USH2A: variants seen among roughly 807,000 people sequenced by gnomAD.
USH2A encodes the protein Usher syndrome 2A (autosomal recessive, mild).
In USH2A, 443 loss-of-function variants were observed where a neutral mutation model predicts 538.9. The observed-to-expected ratio is 0.82, with a 90% CI of 0.76 to 0.89. The LOEUF (loss-of-function observed/expected upper bound fraction) is 0.89. USH2A is among the 40% of genes least tolerant of loss of function. USH2A has a pLI of 0.00. For missense variants in USH2A, 6,633 were observed against 6,324.8 expected (o/e 1.05, Z -1.65); for synonymous variants, 2,413 against 2,273.5 (o/e 1.06, Z -1.75).
chr1:216,325,510 G>A lies in USH2A; in HGVS notation c.938C>T (p.Pro313Leu). The change falls in exon 6 of 72, where the codon CCT (proline) becomes CTT (leucine). Residue 313 changes from proline to leucine, a missense_variant. By Grantham distance (98) the Pro-to-Leu change is moderately conservative (BLOSUM62 -3). Transcript: ENST00000307340. ...AGGAATGCAGTACCGCTGTGCCAAA[G>A]GGTGGACCCGCGGGTGGCTGCCAGG... is the stretch of plus-strand genomic sequence containing the variant. The part of the protein sequence containing the change: ...RCPGSHPRVH[P>L]LAQRYCIPND... The A allele has an allele frequency of 6.2e-7, 1 of 1,613,800 alleles. No homozygotes were observed. The highest frequency in any genetic ancestry group is 1.1e-5 in the South Asian group (1 of 91,076).
intron 21 of USH2A, among the ~76,000 whole-genome samples, chr1:216,098,146 C>A (rs1419022134): frequency 6.6e-6 from 1 of 152,174 alleles, no homozygotes; most frequent in East Asian, 1.9e-4. Context: ...CCTACCATTA[C>A]ATGGCCCCAT....
chr1:215,992,104 A>G (rs2102475843), intron 35 of USH2A, among the ~76,000 whole-genome samples: 1 of 152,306 alleles, frequency 6.6e-6, no homozygotes, highest in South Asian at 2.1e-4. Context: ...AATAATTAAT[A>G]TCATAGTAAA....
chr1:216,406,239 A>T (rs559179130), intron 3 of USH2A, among the ~76,000 whole-genome samples: 1 of 152,344 alleles, frequency 6.6e-6, no homozygotes, highest in South Asian at 2.1e-4. Flanking sequence ...TCCTGGTCGT[A>T]ATATTGTACC....
intron 9 of USH2A, among the ~76,000 whole-genome samples, chr1:216,304,909 T>C (rs1191128007): frequency 1.3e-5 from 2 of 152,140 alleles, no homozygotes; most frequent in South Asian, 4.1e-4. Context: ...TTTTCTTAAA[T>C]GTATTGAGAC....
chr1:215,882,369 T>C (rs61828253), intron 41 of USH2A, among the ~76,000 whole-genome samples: 3,387 of 152,320 alleles, frequency 0.022, 43 homozygotes, highest in Middle Eastern at 0.068. Context: ...CCTCTTATGA[T>C]GGACTCCCCT....
chr1:216,177,046 G>A (rs564863750), intron 20 of USH2A, among the ~76,000 whole-genome samples: 2 of 152,212 alleles, frequency 1.3e-5, no homozygotes, highest in South Asian at 4.1e-4. Context: ...ATATATCAGG[G>A]TTTTGTGTTT....
At chr1:216,148,066 C>T (rs1253456481) in intron 21 of USH2A, among the ~76,000 whole-genome samples, 3 of 151,512 alleles carry the variant, frequency 2.0e-5, no homozygotes, top group Non-Finnish European at 2.9e-5. Flanking sequence ...TCACGGACGC[C>T]GAGCTTCGGG....
intron 22 of USH2A, among the ~76,000 whole-genome samples, chr1:216,094,433 A>G (rs1445829459): frequency 6.6e-6 from 1 of 152,086 alleles, no homozygotes; most frequent in African/African-American, 2.4e-5. Flanking sequence ...CTCTCCTTCA[A>G]ATCTTACTAA....
At chr1:216,237,473 C>T (rs985032125) in intron 13 of USH2A, among the ~76,000 whole-genome samples, 6 of 138,656 alleles carry the variant, frequency 4.3e-5, no homozygotes, top group African/African-American at 1.1e-4. Flanking sequence ...CCAGCCTGGG[C>T]GACAGAGCAA....
At chr1:216,192,765 T>C (rs1284303428) in intron 19 of USH2A, among the ~76,000 whole-genome samples, 2 of 152,018 alleles carry the variant, frequency 1.3e-5, no homozygotes, top group Non-Finnish European at 2.9e-5. Flanking sequence ...AGTTCAGCCA[T>C]AAGGAACAGC....
intron 4 of USH2A, among the ~76,000 whole-genome samples, chr1:216,349,908 G>A (rs1204401524): frequency 2.0e-5 from 3 of 152,054 alleles, no homozygotes; most frequent in Non-Finnish European, 2.9e-5. Context: ...TTCTTGCTTT[G>A]CTATAAAGAA....
chr1:215,805,612 A>G (rs1352189836), intron 49 of USH2A, among the ~76,000 whole-genome samples: 1 of 152,086 alleles, frequency 6.6e-6, no homozygotes, highest in Admixed American at 6.6e-5. Context: ...TTTACCACAA[A>G]AAAGTCCTGT....
chr1:216,244,486 G>C (rs747527422), intron 13 of USH2A, among the ~76,000 whole-genome samples: 2 of 152,146 alleles, frequency 1.3e-5, no homozygotes, highest in Non-Finnish European at 2.9e-5. Flanking sequence ...AGACAGGAAA[G>C]AGCCATAGAT....
Position 215,680,172 on chromosome 1 carries a change from T to A in USH2A, c.12271A>T (p.Met4091Leu), listed in dbSNP as rs144168442. 4.3e-6 allele frequency: 7 copies of A among 1,614,036 alleles called. No homozygotes were observed. In the African/African-American group the frequency reaches 9.3e-5, roughly 22 times the overall value. Residue 4091 changes from methionine to leucine, a missense_variant, in exon 62 of 72, where the codon ATG becomes TTG. Physicochemically the swap from Met to Leu is conservative, Grantham distance 15 (BLOSUM62 2). Transcript: ENST00000307340. ...RALLLQWSEP[M>L]RTNGVIKTYN... ...ACCTTAATCACACCATTGGTTCTCA[T>A]AGGTTCTGACCACTGTAGTAGCAAT...
intron 5 of USH2A, 37 bp downstream of exon 5, chr1:216,327,554 T>TA (rs1285926344): frequency 1.7e-5 from 28 of 1,608,714 alleles, no homozygotes; most frequent in Non-Finnish European, 2.4e-5. Flanking sequence ...CATTTATCCT[T>TA]TCGGTTCTTG....
At chr1:215,695,108 T>C (rs145107287) in intron 61 of USH2A, among the ~76,000 whole-genome samples, 1 of 152,206 alleles carries the variant, frequency 6.6e-6, no homozygotes, top group South Asian at 2.1e-4. Context: ...TGCCCCTAAA[T>C]AGAGAGGTTA....
intron 15 of USH2A, among the ~76,000 whole-genome samples, chr1:216,209,104 T>C (rs1427979181): frequency 6.6e-6 from 1 of 152,184 alleles, no homozygotes; most frequent in African/African-American, 2.4e-5. Context: ...TGTAAGCAGG[T>C]CTTTCTAAAA....
In USH2A at chr1:215,634,512, G is replaced by A; in HGVS notation, c.15244C>T (p.Leu5082Phe). 6.2e-7 allele frequency: 1 copy of A among 1,614,220 alleles called. No individual in the cohort carries two copies. The highest frequency in any genetic ancestry group is 8.5e-7 in the Non-Finnish European group (1 of 1,180,038). Residue 5082 changes from leucine (L) to phenylalanine (F), a missense_variant, in exon 70 of 72, where the codon CTT becomes TTT. Leu to Phe is a conservative substitution (Grantham distance 22). Transcript: ENST00000307340. ...TTCAATGGAGACATCCTCTTCTGAA[G>A]AGGTACCAAGGGAGGTCTTTCTCTG... ...YIRERPPLVP[L>F]QKRMSPLNVY...
chr1:215,836,506 T>TA (rs1553267742), intron 47 of USH2A, among the ~76,000 whole-genome samples: 3 of 18,320 alleles, frequency 1.6e-4, no homozygotes, highest in African/African-American at 5.2e-4. Flanking sequence ...ATAATATATA[T>TA]TATATATATA....
Sources: allele counts gnomAD v4.1 joint callset (sites outside exome capture counted in the v4.1 genomes callset), GRCh38; gene constraint gnomAD v4.1.1; transcripts MANE v1.5; gene names NCBI Gene and HGNC (gene_info 2026-07-23, HGNC 2026-07-21).